MIB2: variants seen among roughly 807,000 people sequenced by gnomAD.
MIB2 encodes MIB E3 ubiquitin protein ligase 2, also known as E3 ubiquitin-protein ligase MIB2.
In MIB2, 78 loss-of-function variants were observed where a neutral mutation model predicts 96.6. That is an observed-to-expected ratio of 0.81 (90% CI 0.67 to 0.97). MIB2 has a LOEUF of 0.97. MIB2 is among the 50% of genes least tolerant of loss of function. MIB2 has a pLI of 0.00. For missense variants in MIB2, 1,543 were observed against 1,424.0 expected (o/e 1.08, Z -1.35); for synonymous variants, 820 against 629.5 (o/e 1.30, Z -4.53).
chr1:1,620,149 C>A (rs751651201), intron 2 of MIB2, among the ~76,000 whole-genome samples: 1 of 152,244 alleles, frequency 6.6e-6, no homozygotes, highest in Non-Finnish European at 1.5e-5. Context: ...GCACCCTGCC[C>A]CTGTCTTTTT....
intron 2 of MIB2, among the ~76,000 whole-genome samples, chr1:1,619,672 C>T (rs966396889): frequency 3.9e-5 from 6 of 152,196 alleles, no homozygotes; most frequent in East Asian, 1.9e-4. Flanking sequence ...TCCCAGCCCC[C>T]GGGGAGAGGT....
intron 2 of MIB2, chr1:1,617,974 C>G (rs1049719050): frequency 2.0e-5 from 3 of 152,280 alleles, no homozygotes; most frequent in Non-Finnish European, 4.4e-5. Context: ...GAAGCGGAAG[C>G]CTGGGCTGTA....
chr1:1,628,175 G>C lies in MIB2; in HGVS notation c.1837G>C (p.Ala613Pro). The C allele has an allele frequency of 6.2e-7, 1 of 1,613,228 alleles. No homozygotes were observed. Among genetic ancestry groups the C allele is most frequent in the Non-Finnish European group, 8.5e-7 (1 of 1,179,950 alleles). The change falls in exon 14 of 20, where the codon GCG becomes CCG. Residue 613 changes from alanine to proline, a missense_variant. Transcript: ENST00000355826. ...GCACCATGCCTCCCTCAAGGGTCAC[G>C]CGCTGTGAGTGTGGGGTGGGCACAC... ...LLHHASLKGHALAVRKILARA... is the reference protein window; with the variant it reads ...LLHHASLKGHPLAVRKILARA...
chr1:1,615,733 C>T (rs1460353390), intron 1 of MIB2, 100 bp downstream of exon 1: 3 of 1,486,212 alleles, frequency 2.0e-6, no homozygotes, highest in Non-Finnish European at 2.7e-6. Flanking sequence ...CCCGCTCCCG[C>T]TGGCCCAGCA....
Position 1,623,912 on chromosome 1 carries a change from C to T in MIB2, c.386C>T (p.Ala129Val), listed in dbSNP as rs201686564. 155 of 1,611,766 alleles carry T rather than the reference C, an allele frequency of 9.6e-5. 1 individual carries two copies. The highest frequency in any genetic ancestry group is 2.2e-5 in the Non-Finnish European group (26 of 1,179,384). Reference protein sequence around the residue: ...YMHNKHELAHAFDRYETAHSR... With the variant: ...YMHNKHELAHVFDRYETAHSR... ...CACAACAAGCATGAGCTCGCCCACG[C>T]CTTCGACCGCTACGAGACCGCTCAC... The change falls in exon 4 of 20, where the codon GCC becomes GTC. Residue 129 changes from alanine (A) to valine (V), a missense_variant. Physicochemically the swap from Ala to Val is moderately conservative, Grantham distance 64. Coordinates refer to ENST00000355826, the MANE Select transcript of MIB2 (RefSeq NM_001170687.4).
chr1:1,624,979 C>T lies in MIB2; in HGVS notation c.527-12C>T, dbSNP rs762932293. On this transcript the variant is annotated splice_polypyrimidine_tract_variant and intron_variant, in intron 5 of 19. Coordinates refer to ENST00000355826, the MANE Select transcript of MIB2 (RefSeq NM_001170687.4). ...CTCAGCCTTAGCCTGCTGGGGGGGC[C>T]TCTTTCCCCAGGAGGGGAAGGGAAA... is the stretch of plus-strand genomic sequence containing the variant. The T allele has an allele frequency of 2.5e-6, 4 of 1,608,866 alleles. No individual in the cohort carries two copies. The highest frequency in any genetic ancestry group is 1.7e-5 in the Admixed American group (1 of 59,908).
Position 1,628,266 on chromosome 1 carries a change from T to C in MIB2, c.1842-7T>C. On this transcript the variant is annotated splice_polypyrimidine_tract_variant and splice_region_variant and intron_variant, in intron 14 of 19. Coordinates refer to ENST00000355826, the MANE Select transcript of MIB2 (RefSeq NM_001170687.4). ...CCAGGTCCCAGACCAACCTCCCTGCTCCACAGAGCTGTGAGAAAGATTCTG... is the reference window on the plus strand; with the variant it reads ...CCAGGTCCCAGACCAACCTCCCTGCCCCACAGAGCTGTGAGAAAGATTCTG... 1 of 1,612,970 alleles carries C rather than the reference T, an allele frequency of 6.2e-7. No homozygotes were observed. Among genetic ancestry groups the C allele is most frequent in the Middle Eastern group, 1.6e-4 (1 of 6,062 alleles).
rs775834243 is a variant in MIB2 at position 1,616,539 on chromosome 1, C to T, written c.-98C>T. ...AAGCCCAGCGAGGCTAGAGGCCAGTCCCAAAGTTTCCAGGCATCAGGGCTG... is the reference window on the plus strand; with the variant it reads ...AAGCCCAGCGAGGCTAGAGGCCAGTTCCAAAGTTTCCAGGCATCAGGGCTG... On this transcript the variant is annotated 5_prime_UTR_variant, in exon 2 of 20. Transcript: ENST00000355826. 2.5e-6 allele frequency: 4 copies of T among 1,603,096 alleles called. No individual in the cohort carries two copies. Among genetic ancestry groups the T allele is most frequent in the Admixed American group, 1.7e-5 (1 of 59,046 alleles).
chr1:1,627,077 C>T lies in MIB2; in HGVS notation c.1244C>T (p.Ser415Leu), dbSNP rs1486037243. 2 of 1,600,290 alleles carry T rather than the reference C, an allele frequency of 1.2e-6. No homozygotes were observed. The highest frequency in any genetic ancestry group is 1.3e-5 in the African/African-American group (1 of 74,862). ...VAERARENKS[S>L]LSVALDKLRA... ...CTAACCTCAGCCCTGCCCCCAGGCT[C>T]ACTGAGCGTGGCCCTGGACAAGCTT... Residue 415 changes from serine to leucine, a missense_variant, in exon 11 of 20, where the codon TCA (serine) becomes TTA (leucine). By Grantham distance (145) the Ser-to-Leu change is moderately radical. Coordinates refer to ENST00000355826, the MANE Select transcript of MIB2 (RefSeq NM_001170687.4).
chr1:1,617,000 T>G (rs555679445), intron 2 of MIB2: 44 of 229,912 alleles, frequency 1.9e-4, no homozygotes, highest in South Asian at 1.9e-3. Flanking sequence ...CACCCCAGCC[T>G]GCAGGGTGCC....
Position 1,630,497 on chromosome 1 carries a change from G to T in MIB2, c.2835G>T (p.Gln945His), listed in dbSNP as rs918109279. Residue 945 changes from glutamine (Q) to histidine (H), a missense_variant, in exon 20 of 20, where the codon CAG becomes CAT. By Grantham distance (24) the Gln-to-His change is conservative. Coordinates refer to ENST00000355826, the MANE Select transcript of MIB2 (RefSeq NM_001170687.4). ...TCAGCGCCTGCCCCATCTGCCGCCA[G>T]CCCATCCGCGACCGCATCCAGATCT... ...SALSACPICR[Q>H]PIRDRIQIFV is the part of the protein sequence containing the mutation. The T allele has an allele frequency of 7.5e-6, 12 of 1,592,308 alleles. No homozygotes were observed. Among genetic ancestry groups the T allele is most frequent in the Non-Finnish European group, 1.0e-5 (12 of 1,175,052 alleles).
At chr1:1,624,575 A>G (rs1429177262) in intron 4 of MIB2, among the ~76,000 whole-genome samples, 1 of 152,150 alleles carries the variant, frequency 6.6e-6, no homozygotes, top group Non-Finnish European at 1.5e-5. Context: ...CGTGGTCCGC[A>G]GGTTCGCTCC....
In MIB2 at chr1:1,625,007, G is replaced by C; in HGVS notation, c.543G>C (p.Pro181=). The C allele has an allele frequency of 6.2e-7, 1 of 1,612,272 alleles. No homozygotes were observed. Among genetic ancestry groups the C allele is most frequent in the Non-Finnish European group, 8.5e-7 (1 of 1,179,512 alleles). Residue 181 remains proline, a synonymous_variant, in exon 6 of 20, where the codon CCG becomes CCC. Transcript: ENST00000355826. The surrounding 1 kb of genome is among the most constrained non-coding windows in gnomAD (Gnocchi z 5.0). The part of the protein sequence containing the change: ...WGSQDGGEGK[P]GRVVDIRGWD... ...TTTCCCCAGGAGGGGAAGGGAAACC[G>C]GGCCGTGTGGTGGACATCCGTGGCT...
chr1:1,614,438 C>G (rs1643423323), upstream of MIB2: 1 of 152,284 alleles, frequency 6.6e-6, no homozygotes, highest in South Asian at 2.1e-4. Context: ...CTGCAGCAAG[C>G]GCCCACAGCC....
Position 1,626,861 on chromosome 1 carries a change from G to A in MIB2, c.1102G>A (p.Val368Met). ...APALGRVGKVVKVFGDGNLRV... is the reference protein window; with the variant it reads ...APALGRVGKVMKVFGDGNLRV... ...GGCCCTGGGCCGCGTCGGGAAGGTGGTGAAAGTGTTTGGAGACGGGAACCT... is the reference window on the plus strand; with the variant it reads ...GGCCCTGGGCCGCGTCGGGAAGGTGATGAAAGTGTTTGGAGACGGGAACCT... Residue 368 changes from valine to methionine, a missense_variant, in exon 10 of 20, where the codon GTG becomes ATG. By Grantham distance (21) the Val-to-Met change is conservative. Coordinates refer to ENST00000355826, the MANE Select transcript of MIB2 (RefSeq NM_001170687.4). The surrounding 1 kb of genome is among the most constrained non-coding windows in gnomAD (Gnocchi z 5.3). 2 of 1,604,102 alleles carry A rather than the reference G, an allele frequency of 1.2e-6. No homozygotes were observed. The highest frequency in any genetic ancestry group is 8.5e-7 in the Non-Finnish European group (1 of 1,179,574).
chr1:1,627,955 G>A (rs1644968986), intron 13 of MIB2, 64 bp from the exon 14 acceptor site: 2 of 1,606,794 alleles, frequency 1.2e-6, no homozygotes, highest in Non-Finnish European at 1.7e-6. Context: ...CTGCTCCCTG[G>A]GTGCCCTGGC....
At position 1,625,835 on chromosome 1, in the gene MIB2, G is replaced by T; in HGVS notation, c.972+182G>T. On this transcript the variant is annotated intron_variant, in intron 8 of 19. Transcript: ENST00000355826. This position sits in a 1 kb window ranked among gnomAD's most constrained non-coding sequence, Gnocchi z 5.0. ...TGGGGTCAAGGAGAAGAGGGGGTTG[G>T]GTGTGAAGGAACCCAGAGGAGGGTA... 1 of 602,124 alleles carries T rather than the reference G, an allele frequency of 1.7e-6. No homozygotes were observed. Among genetic ancestry groups the T allele is most frequent in the East Asian group, 2.8e-5 (1 of 36,016 alleles). 37.3% of individuals were successfully genotyped at this position (602,124 alleles called of 1,614,324 possible).
rs564572044 is a variant in MIB2 at position 1,616,661 on chromosome 1, C to T, written c.-23+47C>T. ...GCCTGATAGTTTGCACTTGGCTCTC[C>T]CACTTTGGGGCTCCGTGGAAGCCAC... On this transcript the variant is annotated intron_variant, in intron 2 of 19. Transcript: ENST00000355826. 18 of 1,472,882 alleles carry T rather than the reference C, an allele frequency of 1.2e-5. No homozygotes were observed. The African/African-American group carries it at 2.4e-4, about 20-fold the overall frequency. The allele number at this position is 1,472,882 out of a possible 1,614,324, so 91.2% of individuals were successfully genotyped here.
At chr1:1,627,239 CCA>C in intron 11 of MIB2, 32 bp downstream of exon 11, 1 of 1,612,236 alleles carries the variant, frequency 6.2e-7, no homozygotes, top group Non-Finnish European at 8.5e-7. Flanking sequence ...CCCATACTGG[CCA>C]GTCTGAGAGT....
Sources: gnomAD v4.1 joint callset for allele counts (sites outside exome capture counted in the v4.1 genomes callset) on GRCh38, gnomAD v4.1.1 for gene constraint, Gnocchi (gnomAD v3.1) non-coding constraint, MANE v1.5 for transcripts, NCBI Gene and HGNC (gene_info 2026-07-23, HGNC 2026-07-21) for gene names.